Variants in FAT2 observed in about 807,000 individuals in gnomAD.
The protein encoded by FAT2 is FAT atypical cadherin 2, also known as protocadherin Fat 2.
In FAT2, 150 loss-of-function variants were observed where a neutral mutation model predicts 295.3. That is an observed-to-expected ratio of 0.51 (90% confidence interval 0.44 to 0.58). FAT2 has a LOEUF of 0.58. FAT2 is among the 20% of genes least tolerant of loss of function. The probability of loss-of-function intolerance (pLI) is 0.00; values close to 1 mark genes in which losing one functional copy is unlikely to be tolerated. For missense variants in FAT2, 4,868 were observed against 5,442.7 expected (o/e 0.89, Z 3.32); for synonymous variants, 2,026 against 2,150.3 (o/e 0.94, Z 1.60).
intron 3 of FAT2, among the ~76,000 whole-genome samples, chr5:151,558,609 T>TAA (rs58125941): frequency 6.9e-6 from 1 of 144,232 alleles, no homozygotes; most frequent in Non-Finnish European, 1.5e-5. Flanking sequence ...GAGACTCCTT[T>TAA]AAAAAAAAAA....
rs74770985 is a variant in FAT2 at position 151,534,708 on chromosome 5, A to G, written c.9194-66T>C. 3.2e-3 allele frequency: 4,469 copies of G among 1,397,498 alleles called. 120 individuals carry two copies. In the African/African-American group the frequency reaches 0.056, roughly 18 times the overall value. 86.6% of individuals were successfully genotyped at this position (1,397,498 alleles called of 1,614,324 possible). A position where few individuals can be genotyped will look rare whatever the true frequency, so the allele number is the denominator to read the frequency against. ...AATATTACCCAAGCATGTGCCCTCT[A>G]TATATCTACAGGAGACAAACCCAGC... On this transcript the variant is annotated intron_variant, in intron 12 of 23. Coordinates refer to ENST00000261800, the MANE Select transcript of FAT2 (RefSeq NM_001447.3).
At chr5:151,570,379 A>G (rs186423408) in intron 1 of FAT2, among the ~76,000 whole-genome samples, 2 of 152,242 alleles carry the variant, frequency 1.3e-5, no homozygotes, top group Non-Finnish European at 2.9e-5. Flanking sequence ...ATGAGTATAG[A>G]TGGGGAAATA....
intron 6 of FAT2, among the ~76,000 whole-genome samples, chr5:151,552,801 G>C (rs1258505091): frequency 1.3e-5 from 2 of 152,180 alleles, no homozygotes; most frequent in Non-Finnish European, 2.9e-5. Flanking sequence ...ATGGCCCCAG[G>C]GTATAGCTTA....
chr5:151,542,134 T>C, intron 10 of FAT2, 151 bp downstream of exon 10: 1 of 646,002 alleles, frequency 1.5e-6, no homozygotes, highest in Admixed American at 3.0e-5. Context: ...AGTCTATAGG[T>C]GGAGAAACTG....
chr5:151,532,793 C>T (rs1301095577), intron 13 of FAT2, among the ~76,000 whole-genome samples: 1 of 152,224 alleles, frequency 6.6e-6, no homozygotes. Context: ...GTGAGGTCCT[C>T]CCCCAGTGAG....
At position 151,567,563 on chromosome 5, in the gene FAT2, G is replaced by T; in HGVS notation, c.1369C>A (p.Leu457Ile). The T allele has an allele frequency of 6.2e-7, 1 of 1,614,162 alleles. No homozygotes were observed. The highest frequency in any genetic ancestry group is 2.2e-5 in the East Asian group (1 of 44,888). ...CCATCATAGGAAGACCTGTTGAAGA[G>T]GGGGGCATGGTTGTTGCAGTCCACA... ...DIVDCNNHAP[L>I]FNRSSYDGTL... is the part of the protein sequence containing the mutation. Residue 457 changes from leucine (L) to isoleucine (I), a missense_variant, in exon 2 of 24, where the codon CTC becomes ATC. Transcript: ENST00000261800.
At chr5:151,552,939 A>C (rs1488516707) in intron 6 of FAT2, among the ~76,000 whole-genome samples, 1 of 152,198 alleles carries the variant, frequency 6.6e-6, no homozygotes, top group African/African-American at 2.4e-5. Context: ...GGCACTGCCA[A>C]CTCTGGCTGG....
chr5:151,531,017 C>T lies in FAT2; in HGVS notation c.9811+570G>A, dbSNP rs1298159201. On this transcript the variant is annotated intron_variant, in intron 14 of 23. Transcript: ENST00000261800. This position sits in a 1 kb window ranked among gnomAD's most constrained non-coding sequence, Gnocchi z 5.7. ...GAATCTGTGTGAGACACAGGCTGAC[C>T]TGGGTGGCCTCTGAGGCCCTTCGGT... Among the ~76,000 whole-genome samples the T allele has an allele frequency of 6.6e-6, 1 of 152,196 alleles. No homozygotes were observed. The highest frequency in any genetic ancestry group is 2.4e-5 in the African/African-American group (1 of 41,430).
chr5:151,554,362 C>A lies in FAT2; in HGVS notation c.3945G>T (p.Thr1315=), dbSNP rs1449193613. The change falls in exon 5 of 24, where the codon ACG becomes ACT. Residue 1315 remains threonine (T), a splice_region_variant and synonymous_variant. Transcript: ENST00000261800. ...CCGTGGCTTCCTTCTGTCTGCTCAC[C>A]GTTAGGATGTTGTACTCTCCAGCTG... ...TFTAGEYNIL[T]IKATDSGQPP... is the part of the protein sequence containing the mutation. 6.2e-7 allele frequency: 1 copy of A among 1,612,226 alleles called. No homozygotes were observed. Among genetic ancestry groups the A allele is most frequent in the Non-Finnish European group, 8.5e-7 (1 of 1,178,878 alleles).
In FAT2 at chr5:151,525,979, T is replaced by G. The variant is rs372069175; in HGVS notation, c.10309-14A>C. On this transcript the variant is annotated splice_polypyrimidine_tract_variant and intron_variant, in intron 17 of 23. Transcript: ENST00000261800. The stretch of plus-strand genomic sequence containing the variant: ...GGGGGAGTTCTCCTGAGACCGAGAG[T>G]GACAAAGAAGGCAAAGAGCAGAATG... 9.1e-5 allele frequency: 146 copies of G among 1,612,704 alleles called. No homozygotes were observed. The highest frequency in any genetic ancestry group is 1.7e-4 in the Admixed American group (10 of 59,842).
In FAT2 at chr5:151,549,443, A is replaced by G. The variant is rs201056135; in HGVS notation, c.4641T>C (p.Asp1547=). Residue 1547 remains aspartate (D), a synonymous_variant, in exon 9 of 24, where the codon GAT becomes GAC. Coordinates refer to ENST00000261800, the MANE Select transcript of FAT2 (RefSeq NM_001447.3). ...NFVWVTIHVE[D]GNLHPPRFTQ... is the part of the protein sequence containing the mutation. The stretch of plus-strand genomic sequence containing the variant: ...TGAAGCGGGGTGGGTGGAGGTTTCC[A>G]TCCTCCACATGAATGGTCACCCACA... 1.2e-6 allele frequency: 2 copies of G among 1,614,136 alleles called. No homozygotes were observed. Among genetic ancestry groups the G allele is most frequent in the South Asian group, 2.2e-5 (2 of 91,076 alleles).
chr5:151,540,803 G>A (rs2127603060), intron 10 of FAT2, 40 bp from the exon 11 acceptor site: 4 of 1,566,684 alleles, frequency 2.6e-6, no homozygotes, highest in South Asian at 2.3e-5. Flanking sequence ...CCAAGCAATA[G>A]GAATGAACTA....
Position 151,543,169 on chromosome 5 carries a change from T to G in FAT2, c.7958A>C (p.Glu2653Ala). The G allele has an allele frequency of 6.2e-7, 1 of 1,614,186 alleles. No homozygotes were observed. Among genetic ancestry groups the G allele is most frequent in the Non-Finnish European group, 8.5e-7 (1 of 1,180,030 alleles). The change falls in exon 10 of 24, where the codon GAA becomes GCA. Residue 2653 changes from glutamate (E) to alanine (A), a missense_variant. By Grantham distance (107) the Glu-to-Ala change is moderately radical. Coordinates refer to ENST00000261800, the MANE Select transcript of FAT2 (RefSeq NM_001447.3). ...VKVKDSLVGL[E>A]NQTLDFFIKA... is the part of the protein sequence containing the mutation. The stretch of plus-strand genomic sequence containing the variant: ...GATGAAGAAGTCAAGGGTCTGATTT[T>G]CCAATCCCACCAGGCTGTCTTTCAC...
Position 151,531,223 on chromosome 5 carries a change from A to C in FAT2, c.9811+364T>G, listed in dbSNP as rs1057263692. ...CCTTGTCCAGGGTTGCTTAAGCCCC[A>C]GATTCCAGCAAGGGCTCCCTGCCTC... On this transcript the variant is annotated intron_variant, in intron 14 of 23. Coordinates refer to ENST00000261800, the MANE Select transcript of FAT2 (RefSeq NM_001447.3). This position sits in a 1 kb window ranked among gnomAD's most constrained non-coding sequence, Gnocchi z 5.7. Among the ~76,000 whole-genome samples the C allele has an allele frequency of 1.3e-5, 2 of 152,182 alleles. No individual in the cohort carries two copies. The highest frequency in any genetic ancestry group is 4.8e-5 in the African/African-American group (2 of 41,444).
At chr5:151,587,429 G>T (rs541003368) in intron 1 of FAT2, among the ~76,000 whole-genome samples, 24 of 152,230 alleles carry the variant, frequency 1.6e-4, no homozygotes, top group African/African-American at 5.5e-4. Flanking sequence ...GTTCCTGCAC[G>T]CATCTGCTGT....
chr5:151,568,857 A>C lies in FAT2; in HGVS notation c.75T>G (p.Ile25Met), dbSNP rs1758408189. Residue 25 changes from isoleucine to methionine, a missense_variant, in exon 2 of 24, where the codon ATT becomes ATG. Physicochemically the swap from Ile to Met is conservative, Grantham distance 10. Coordinates refer to ENST00000261800, the MANE Select transcript of FAT2 (RefSeq NM_001447.3). ...CATCEKPLEGILSSSAWHFTH... is the reference protein window; with the variant it reads ...CATCEKPLEGMLSSSAWHFTH... ...TGAAGTGCCAAGCAGAGGAGGAGAG[A>C]ATCCCTTCTAGAGGCTTCTCACAGG... 6.2e-7 allele frequency: 1 copy of C among 1,614,074 alleles called. No homozygotes were observed. Among genetic ancestry groups the C allele is most frequent in the Non-Finnish European group, 8.5e-7 (1 of 1,180,002 alleles).
Position 151,550,819 on chromosome 5 carries a change from T to G in FAT2, c.4349A>C (p.Glu1450Ala), listed in dbSNP as rs767555195. ...NINHHRPQFL[E>A]TRYEVRVPQD... ...GGGAACTCTGACTTCATAACGAGTT[T>G]CCAGAAACTGGGGCCGATGGTGGTT... Residue 1450 changes from glutamate to alanine, a missense_variant, in exon 8 of 24, where the codon GAA becomes GCA. Coordinates refer to ENST00000261800, the MANE Select transcript of FAT2 (RefSeq NM_001447.3). The G allele has an allele frequency of 6.2e-7, 1 of 1,613,856 alleles. No individual in the cohort carries two copies. The highest frequency in any genetic ancestry group is 2.2e-5 in the East Asian group (1 of 44,878).
intron 11 of FAT2, among the ~76,000 whole-genome samples, chr5:151,539,473 G>A (rs772855254): frequency 2.6e-5 from 4 of 152,088 alleles, no homozygotes; most frequent in African/African-American, 4.8e-5. Context: ...TAGGTATATA[G>A]GTATATGCTT....
rs2127648975 is a variant in FAT2, at chr5:151,567,929, C to T, written c.1003G>A (p.Ala335Thr). ...AAATAAGGGCCGCTCCCACTCCTGG[C>T]CTGGAGGCTGAGGTTGAACCCATGA... Reference protein sequence around the residue: ...YLHGFNLSLQARSGSGPYFYS... With the variant: ...YLHGFNLSLQTRSGSGPYFYS... Residue 335 changes from alanine (A) to threonine (T), a missense_variant, in exon 2 of 24, where the codon GCC becomes ACC. Physicochemically the swap from Ala to Thr is moderately conservative, Grantham distance 58. Transcript: ENST00000261800. 1.2e-6 allele frequency: 2 copies of T among 1,614,184 alleles called. No homozygotes were observed. Among genetic ancestry groups the T allele is most frequent in the Non-Finnish European group, 1.7e-6 (2 of 1,180,040 alleles).
Sources: allele counts gnomAD v4.1 joint callset (sites outside exome capture counted in the v4.1 genomes callset), GRCh38; gene constraint gnomAD v4.1.1; non-coding constraint Gnocchi (gnomAD v3.1); transcripts MANE v1.5; gene names NCBI Gene and HGNC (gene_info 2026-07-23, HGNC 2026-07-21).